Variants in PPP2R5E observed in about 807,000 individuals in gnomAD.
PPP2R5E encodes protein phosphatase 2 regulatory subunit B'epsilon.
PPP2R5E carries 4 observed loss-of-function variants against 65.3 expected under a neutral mutation model. The observed-to-expected ratio is 0.06, with a 90% CI of 0.03 to 0.14. The LOEUF is 0.14. Among genes scored for constraint, PPP2R5E ranks in the 10% least tolerant of loss-of-function variants. The pLI is 1.00. For missense variants in PPP2R5E, 274 were observed against 556.1 expected (o/e 0.49, Z 5.10); for synonymous variants, 183 against 187.4 (o/e 0.98, Z 0.19).
At chr14:63,447,500 G>A (rs1888546658) in intron 3 of PPP2R5E, among the ~76,000 whole-genome samples, 1 of 152,216 alleles carries the variant, frequency 6.6e-6, no homozygotes, top group African/African-American at 2.4e-5. Flanking sequence ...AGAGAGCCAA[G>A]GCCTTGCTCT....
rs1883866785 is a variant in PPP2R5E at position 63,374,499 on chromosome 14, C to T, written c.*1510G>A. Reference sequence around the variant, plus strand: ...AAGCAAATGCATCCTGGAAATAAACCTCCAAACACATATCTTTCAGTACGT... The same window carrying T: ...AAGCAAATGCATCCTGGAAATAAACTTCCAAACACATATCTTTCAGTACGT... On this transcript the variant is annotated 3_prime_UTR_variant, in exon 14 of 14. Coordinates refer to ENST00000337537, the MANE Select transcript of PPP2R5E (RefSeq NM_006246.5). The T allele has an allele frequency of 6.6e-6, 1 of 151,526 alleles. No individual in the cohort carries two copies. The highest frequency in any genetic ancestry group is 2.1e-4 in the South Asian group (1 of 4,814). 9.4% of individuals were successfully genotyped at this position (151,526 alleles called of 1,614,324 possible).
intron 7 of PPP2R5E, among the ~76,000 whole-genome samples, chr14:63,394,829 G>T (rs757014473): frequency 2.0e-5 from 3 of 152,130 alleles, no homozygotes; most frequent in Non-Finnish European, 2.9e-5. Context: ...ACTATACCTG[G>T]ATACACAACT....
At chr14:63,426,587 G>C (rs1327960954) in intron 3 of PPP2R5E, among the ~76,000 whole-genome samples, 1 of 151,050 alleles carries the variant, frequency 6.6e-6, no homozygotes, top group East Asian at 1.9e-4. Flanking sequence ...TATACACTGT[G>C]AGTTACACCT....
At chr14:63,393,028 A>T (rs534909474) in intron 8 of PPP2R5E, among the ~76,000 whole-genome samples, 1 of 152,332 alleles carries the variant, frequency 6.6e-6, no homozygotes, top group East Asian at 1.9e-4. Flanking sequence ...GAAAATACTG[A>T]TTGATTTGTT....
chr14:63,483,529 G>A (rs1005076429), intron 2 of PPP2R5E, among the ~76,000 whole-genome samples: 7 of 152,166 alleles, frequency 4.6e-5, no homozygotes, highest in African/African-American at 1.4e-4. Context: ...CGTACACAGC[G>A]CATTCACGGC....
In PPP2R5E at chr14:63,471,393, A is replaced by G. The variant is rs540977126; in HGVS notation, c.158-17508T>C. On this transcript the variant is annotated intron_variant, in intron 2 of 13. Coordinates refer to ENST00000337537, the MANE Select transcript of PPP2R5E (RefSeq NM_006246.5). ...ATGAATGAATAACCCAAAATAAACAAGAGTCACTGAAGACAGGTCAGGTAT... is the reference window on the plus strand; with the variant it reads ...ATGAATGAATAACCCAAAATAAACAGGAGTCACTGAAGACAGGTCAGGTAT... 3.9e-5 allele frequency among the ~76,000 whole-genome samples: 6 copies of G among 152,362 alleles called. 1 individual carries two copies. Among genetic ancestry groups the G allele is most frequent in the African/African-American group, 1.4e-4 (6 of 41,598 alleles).
At chr14:63,387,444 G>A (rs747544689) in intron 11 of PPP2R5E, among the ~76,000 whole-genome samples, 10 of 152,158 alleles carry the variant, frequency 6.6e-5, no homozygotes, top group Non-Finnish European at 1.3e-4. Flanking sequence ...CACACACAGA[G>A]GCAGTGTCAC....
At chr14:63,456,729 A>G (rs1055849844) in intron 2 of PPP2R5E, among the ~76,000 whole-genome samples, 1 of 152,232 alleles carries the variant, frequency 6.6e-6, no homozygotes, top group African/African-American at 2.4e-5. Context: ...GTGCAATGCA[A>G]CACGAAACAC....
chr14:63,405,438 AAGGAC>A (rs1886010683), intron 5 of PPP2R5E, among the ~76,000 whole-genome samples: 1 of 152,228 alleles, frequency 6.6e-6, no homozygotes, highest in Admixed American at 6.5e-5. Context: ...GGTCACTTTT[AAGGAC>A]AGGCTGAATG....
At chr14:63,485,155 G>T in intron 2 of PPP2R5E, among the ~76,000 whole-genome samples, 1 of 140,266 alleles carries the variant, frequency 7.1e-6, no homozygotes, top group South Asian at 2.3e-4. Flanking sequence ...AGTTTAGCCT[G>T]TTATCTAATT....
intron 2 of PPP2R5E, among the ~76,000 whole-genome samples, chr14:63,509,267 C>CTTTTTTTT (rs10553696): frequency 4.6e-5 from 5 of 108,068 alleles, no homozygotes; most frequent in Admixed American, 1.1e-4. Flanking sequence ...TTAAAATATC[C>CTTTTTTTT]TTTTTTTTTT....
chr14:63,373,227 ATCAC>A lies in PPP2R5E; in HGVS notation c.*2778_*2781del, dbSNP rs1883785240. ...TGGTAAGGATAAGGTTGGAGTGATC[ATCAC>A]TCACTAACTACAATATTTGCTATTT... On this transcript the variant is annotated 3_prime_UTR_variant, in exon 14 of 14. Coordinates refer to ENST00000337537, the MANE Select transcript of PPP2R5E (RefSeq NM_006246.5). 1 of 152,262 alleles carries A rather than the reference ATCAC, an allele frequency of 6.6e-6. No individual in the cohort carries two copies. Among genetic ancestry groups the A allele is most frequent in the South Asian group, 2.1e-4 (1 of 4,836 alleles). 9.4% of individuals were successfully genotyped at this position (152,262 alleles called of 1,614,324 possible).
At chr14:63,450,240 C>T (rs1011675572) in intron 3 of PPP2R5E, among the ~76,000 whole-genome samples, 1 of 152,044 alleles carries the variant, frequency 6.6e-6, no homozygotes. Context: ...GTCTAAGTAC[C>T]GTATATAATT....
chr14:63,475,116 T>C (rs1022773567), intron 2 of PPP2R5E, among the ~76,000 whole-genome samples: 1 of 152,228 alleles, frequency 6.6e-6, no homozygotes, highest in Admixed American at 6.5e-5. Flanking sequence ...TCACCCTCCC[T>C]GCCCTATCAA....
intron 2 of PPP2R5E, among the ~76,000 whole-genome samples, chr14:63,509,786 A>G (rs551927518): frequency 2.0e-5 from 3 of 152,294 alleles, no homozygotes; most frequent in South Asian, 2.1e-4. Context: ...TGAGAGACAA[A>G]TTATACTTGA....
At chr14:63,380,670 A>AC (rs1243578557) in intron 13 of PPP2R5E, among the ~76,000 whole-genome samples, 15 of 149,040 alleles carry the variant, frequency 1.0e-4, no homozygotes, top group East Asian at 7.8e-4. Flanking sequence ...TCAAAAAACA[A>AC]AAAAAAAAAA....
In PPP2R5E at chr14:63,408,837, G is replaced by A. The variant is rs185207117; in HGVS notation, c.549+6303C>T. 2.2e-4 allele frequency among the ~76,000 whole-genome samples: 33 copies of A among 152,326 alleles called. 1 individual carries two copies. The highest frequency in any genetic ancestry group is 7.0e-4 in the African/African-American group (29 of 41,572). On this transcript the variant is annotated intron_variant, in intron 5 of 13. Coordinates refer to ENST00000337537, the MANE Select transcript of PPP2R5E (RefSeq NM_006246.5). ...GGAAGCCAGGCACAGTGACTCGCCT[G>A]TATTGCCAGCACTTTGGGAGGCCAA... is the stretch of plus-strand genomic sequence containing the variant.
At chr14:63,464,115 T>C (rs1889653053) in intron 2 of PPP2R5E, among the ~76,000 whole-genome samples, 1 of 152,086 alleles carries the variant, frequency 6.6e-6, no homozygotes, top group Non-Finnish European at 1.5e-5. Context: ...ATTCACTCAC[T>C]CTATCATTCA....
At chr14:63,448,123 C>T (rs1353368930) in intron 3 of PPP2R5E, among the ~76,000 whole-genome samples, 2 of 152,004 alleles carry the variant, frequency 1.3e-5, no homozygotes, top group African/African-American at 4.8e-5. Context: ...TGGTGAAACC[C>T]TGTCTCTACT....
Sources: allele counts gnomAD v4.1 joint callset (sites outside exome capture counted in the v4.1 genomes callset), GRCh38; gene constraint gnomAD v4.1.1; transcripts MANE v1.5; gene names NCBI Gene and HGNC (gene_info 2026-07-23, HGNC 2026-07-21).